Variants in CDC25C observed in about 807,000 individuals in gnomAD.
CDC25C encodes M-phase inducer phosphatase 3.
In CDC25C, 48 loss-of-function variants were observed where a neutral mutation model predicts 52.5. The ratio of observed to expected loss-of-function variants is 0.91; its 90% CI spans 0.72 to 1.16. The LOEUF (loss-of-function observed/expected upper bound fraction) is 1.16. Ranked by LOEUF, CDC25C falls within the 50% of genes most tolerant of loss-of-function variation. The pLI is 0.00. For missense variants in CDC25C, 510 were observed against 566.1 expected (o/e 0.90, Z 1.01); for synonymous variants, 187 against 206.5 (o/e 0.91, Z 0.81).
chr5:138,291,937 A>G (rs1415819153), intron 8 of CDC25C, 33 bp downstream of exon 8: 1 of 1,581,388 alleles, frequency 6.3e-7, no homozygotes, highest in East Asian at 2.3e-5. Flanking sequence ...GAGATAGAAG[A>G]TGAACAAGAT....
At position 138,319,525 on chromosome 5, in the gene CDC25C, G is replaced by A. The variant is rs772449300; in HGVS notation, c.460-151C>T. On this transcript the variant is annotated intron_variant, in intron 6 of 13. Transcript: ENST00000323760. ...TAATGCCACCAAAAGCACAGGTAACGAAAGAAAAAAACAGATAAATTGGTC... is the reference window on the plus strand; with the variant it reads ...TAATGCCACCAAAAGCACAGGTAACAAAAGAAAAAAACAGATAAATTGGTC... The A allele has an allele frequency of 1.2e-4, 67 of 550,018 alleles. 1 individual carries two copies. The highest frequency in any genetic ancestry group is 1.7e-4 in the Non-Finnish European group (59 of 338,306). 34.1% of individuals were successfully genotyped at this position (550,018 alleles called of 1,614,324 possible). A position where few individuals can be genotyped will look rare whatever the true frequency, so the allele number is the denominator to read the frequency against.
intron 7 of CDC25C, among the ~76,000 whole-genome samples, chr5:138,314,281 G>A (rs998598673): frequency 2.7e-5 from 4 of 148,522 alleles, no homozygotes; most frequent in African/African-American, 7.5e-5. Flanking sequence ...TATTCAAATC[G>A]TCCTGTCATT....
intron 8 of CDC25C, 31 bp downstream of exon 8, chr5:138,291,939 G>A: frequency 6.3e-7 from 1 of 1,582,072 alleles, no homozygotes; most frequent in South Asian, 1.1e-5. Flanking sequence ...GATAGAAGAT[G>A]AACAAGATTT....
At chr5:138,329,848 A>G (rs1279858397) in intron 2 of CDC25C, among the ~76,000 whole-genome samples, 1 of 148,072 alleles carries the variant, frequency 6.8e-6, no homozygotes, top group Non-Finnish European at 1.5e-5. Flanking sequence ...CTCCTGCCTC[A>G]GCCTCCCAAA....
intron 6 of CDC25C, among the ~76,000 whole-genome samples, chr5:138,324,701 T>C (rs931388330): frequency 1.3e-5 from 2 of 151,744 alleles, no homozygotes; most frequent in South Asian, 4.2e-4. Context: ...GAGGTTGCAG[T>C]GAGCCGAGAT....
In CDC25C at chr5:138,331,767, T is replaced by A. The variant is rs760900006; in HGVS notation, c.-211A>T. On this transcript the variant is annotated 5_prime_UTR_variant, in exon 1 of 14. Transcript: ENST00000323760. ...CCAACGTCGGACTCAGAGTCTTCCC[T>A]GAGCAGAAGGCCAAAGTTACGGCCT... 1.9e-5 allele frequency: 18 copies of A among 965,840 alleles called. No individual in the cohort carries two copies. Among genetic ancestry groups the A allele is most frequent in the Middle Eastern group, 5.2e-4 (1 of 1,910 alleles). 59.8% of individuals were successfully genotyped at this position (965,840 alleles called of 1,614,324 possible). A position where few individuals can be genotyped will look rare whatever the true frequency, so the allele number is the denominator to read the frequency against.
At position 138,286,619 on chromosome 5, in the gene CDC25C, G is replaced by T. The variant is rs1756261833; in HGVS notation, c.1038C>A (p.Asn346Lys). The T allele has an allele frequency of 1.2e-6, 2 of 1,611,636 alleles. No individual in the cohort carries two copies. The highest frequency in any genetic ancestry group is 4.5e-5 in the East Asian group (2 of 44,850). Residue 346 changes from asparagine to lysine, a missense_variant, in exon 12 of 14, where the codon AAC becomes AAA. Asn to Lys is a moderately conservative substitution (Grantham distance 94, BLOSUM62 0). Coordinates refer to ENST00000323760, the MANE Select transcript of CDC25C (RefSeq NM_001790.5). ...TAAACAGTTCTTCCTGACTATATAA[G>T]TTTAAGGCTCCCTGTAGAAGAAGAA... is the stretch of plus-strand genomic sequence containing the variant. ...YLGGHIQGAL[N>K]LYSQEELFNF...
At chr5:138,302,902 GA>G (rs764487309) in intron 7 of CDC25C, among the ~76,000 whole-genome samples, 2,399 of 136,436 alleles carry the variant, frequency 0.018, 41 homozygotes, top group African/African-American at 0.049. Flanking sequence ...CTCTATAGGG[GA>G]AAAAAAAAAA....
At chr5:138,294,733 T>G (rs1001731405) in intron 7 of CDC25C, among the ~76,000 whole-genome samples, 1 of 152,100 alleles carries the variant, frequency 6.6e-6, no homozygotes, top group Non-Finnish European at 1.5e-5. Flanking sequence ...CTCGATCTTC[T>G]GACCTCATGA....
intron 3 of CDC25C, 90 bp downstream of exon 3, chr5:138,329,463 T>C (rs1022706973): frequency 8.2e-6 from 7 of 857,378 alleles, no homozygotes; most frequent in Non-Finnish European, 1.3e-5. Context: ...CTTTTTATAC[T>C]TTCACCACCT....
intron 7 of CDC25C, among the ~76,000 whole-genome samples, chr5:138,310,142 C>G (rs913693070): frequency 1.3e-5 from 2 of 152,206 alleles, no homozygotes; most frequent in African/African-American, 4.8e-5. Context: ...GTCGACTTTT[C>G]TGCTGCCTTC....
intron 6 of CDC25C, 140 bp downstream of exon 6, chr5:138,325,671 CAAAG>C (rs1759791253): frequency 1.6e-6 from 1 of 633,904 alleles, no homozygotes. Context: ...AAAACAAAAA[CAAAG>C]AAATTTTCTC....
At chr5:138,323,276 A>T (rs1759581548) in intron 6 of CDC25C, among the ~76,000 whole-genome samples, 1 of 151,908 alleles carries the variant, frequency 6.6e-6, no homozygotes, top group Non-Finnish European at 1.5e-5. Context: ...CCATGTATGT[A>T]TGTGTGTGTG....
chr5:138,326,008 A>G lies in CDC25C; in HGVS notation c.369+13T>C. ...AAAGCAAAACAAAACCCAAAAAAAG[A>G]GAGGCTACTCACTGGGCTACATTTC... On this transcript the variant is annotated intron_variant, in intron 5 of 13. Coordinates refer to ENST00000323760, the MANE Select transcript of CDC25C (RefSeq NM_001790.5). 6.2e-7 allele frequency: 1 copy of G among 1,614,156 alleles called. No homozygotes were observed. Among genetic ancestry groups the G allele is most frequent in the African/African-American group, 1.3e-5 (1 of 75,040 alleles).
chr5:138,327,028 G>A (rs370921230), intron 4 of CDC25C, among the ~76,000 whole-genome samples: 6 of 151,286 alleles, frequency 4.0e-5, no homozygotes, highest in Admixed American at 2.0e-4. Context: ...AGGCCAAGGC[G>A]GGCGGATCAC....
intron 11 of CDC25C, 104 bp downstream of exon 11, chr5:138,287,065 C>A (rs956856396): frequency 1.4e-6 from 1 of 732,384 alleles, no homozygotes; most frequent in Non-Finnish European, 2.3e-6. Context: ...AATATGTAAT[C>A]TTTGTCCTGA....
At chr5:138,304,899 T>TA (rs1757890262) in intron 7 of CDC25C, among the ~76,000 whole-genome samples, 1 of 152,146 alleles carries the variant, frequency 6.6e-6, no homozygotes, top group African/African-American at 2.4e-5. Context: ...TTCCCCTGCC[T>TA]AAAGCCCTCC....
chr5:138,289,783 A>G (rs1358704675), intron 9 of CDC25C, among the ~76,000 whole-genome samples: 1 of 152,160 alleles, frequency 6.6e-6, no homozygotes, highest in Non-Finnish European at 1.5e-5. Context: ...TTTCTCTACA[A>G]ATATATTCAT....
chr5:138,320,599 C>A (rs958652330), intron 6 of CDC25C, among the ~76,000 whole-genome samples: 1 of 151,944 alleles, frequency 6.6e-6, no homozygotes, highest in Non-Finnish European at 1.5e-5. Context: ...GCAGATGGAT[C>A]TCTTGAACCC....
Sources: allele counts gnomAD v4.1 joint callset (sites outside exome capture counted in the v4.1 genomes callset), GRCh38; gene constraint gnomAD v4.1.1; transcripts MANE v1.5; gene names NCBI Gene and HGNC (gene_info 2026-07-23, HGNC 2026-07-21).